Variants in TANGO2 observed in about 807,000 individuals in gnomAD.
TANGO2 encodes transport and Golgi organization protein 2 homolog.
TANGO2 carries 26 observed loss-of-function variants against 39.1 expected under a neutral mutation model. The ratio of observed to expected loss-of-function variants is 0.67; its 90% CI spans 0.49 to 0.92. The LOEUF (loss-of-function observed/expected upper bound fraction) is 0.92, where lower values mean the gene tolerates loss of function less well. Among genes scored for constraint, TANGO2 ranks in the 40% least tolerant of loss-of-function variants. TANGO2 has a pLI of 0.00. For missense variants in TANGO2, 326 were observed against 360.1 expected (o/e 0.91, Z 0.77); for synonymous variants, 131 against 144.5 (o/e 0.91, Z 0.67).
chr22:20,045,499 CTTTTTTT>C (rs695487), intron 3 of TANGO2, among the ~76,000 whole-genome samples: 2 of 112,536 alleles, frequency 1.8e-5, no homozygotes, highest in Non-Finnish European at 3.5e-5. Context: ...GCCATCACTT[CTTTTTTT>C]TTTTTTTTTT....
Position 20,066,376 on chromosome 22 carries a change from T to C in TANGO2, c.*1714T>C, listed in dbSNP as rs1000888770. The C allele has an allele frequency of 6.6e-6, 1 of 152,290 alleles. No homozygotes were observed. The highest frequency in any genetic ancestry group is 6.5e-5 in the Admixed American group (1 of 15,284). 9.4% of individuals were successfully genotyped at this position (152,290 alleles called of 1,614,324 possible). ...GTCCCGGATATCCAATGCTGAGACC[T>C]AGACTTTTCTAAGCCTCTGCACCCA... On this transcript the variant is annotated 3_prime_UTR_variant, in exon 9 of 9. Transcript: ENST00000327374.
intron 1 of TANGO2, among the ~76,000 whole-genome samples, chr22:20,025,179 C>T (rs2040491489): frequency 6.7e-6 from 1 of 150,054 alleles, no homozygotes; most frequent in Non-Finnish European, 1.5e-5. Context: ...GCAACCTCTG[C>T]CTCTCAGGTT....
intron 1 of TANGO2, among the ~76,000 whole-genome samples, chr22:20,033,756 C>T (rs1275195056): frequency 6.6e-6 from 1 of 152,248 alleles, no homozygotes; most frequent in Non-Finnish European, 1.5e-5. Context: ...CCATCAGTGG[C>T]ACCTTGGGTG....
At chr22:20,020,594 T>C (rs1024534545), upstream of TANGO2, among the ~76,000 whole-genome samples, 1 of 151,852 alleles carries the variant, frequency 6.6e-6, no homozygotes, top group African/African-American at 2.4e-5. Context: ...ATACTGGGAA[T>C]GGCAGGGACA....
chr22:20,043,775 G>A (rs1013523500), intron 3 of TANGO2, among the ~76,000 whole-genome samples: 1 of 152,190 alleles, frequency 6.6e-6, no homozygotes, highest in Admixed American at 6.5e-5. Flanking sequence ...CAGTCACTTT[G>A]TGAAGCAACC....
rs529585677 is a variant in TANGO2 at position 20,042,534 on chromosome 22, C to T, written c.57-821C>T. 2.0e-5 allele frequency among the ~76,000 whole-genome samples: 3 copies of T among 152,218 alleles called. No homozygotes were observed. The South Asian group carries it at 6.2e-4, about 32-fold the overall frequency. On this transcript the variant is annotated intron_variant, in intron 2 of 8. Transcript: ENST00000327374. ...TAATCCTCCGCCTCGGAGGCCGAGGCGGGTAGATCATTTGAGGTCAGGAGT... is the reference window on the plus strand; with the variant it reads ...TAATCCTCCGCCTCGGAGGCCGAGGTGGGTAGATCATTTGAGGTCAGGAGT...
At chr22:20,045,890 T>C (rs2045081194) in intron 3 of TANGO2, among the ~76,000 whole-genome samples, 1 of 151,970 alleles carries the variant, frequency 6.6e-6, no homozygotes, top group Non-Finnish European at 1.5e-5. Flanking sequence ...CACTTGCCCT[T>C]GTCCCACACC....
chr22:20,037,868 T>C (rs1212843154), intron 2 of TANGO2, among the ~76,000 whole-genome samples: 3 of 152,040 alleles, frequency 2.0e-5, no homozygotes, highest in East Asian at 1.9e-4. Flanking sequence ...GAGGCCAAGG[T>C]GGGCGGATCA....
chr22:20,022,349 A>G (rs1455191453), intron 1 of TANGO2, among the ~76,000 whole-genome samples: 1 of 152,088 alleles, frequency 6.6e-6, no homozygotes, highest in African/African-American at 2.4e-5. Flanking sequence ...GAGGGTGACC[A>G]TGTTGTTAGA....
intron 1 of TANGO2, among the ~76,000 whole-genome samples, chr22:20,023,046 A>G (rs2040017339): frequency 6.6e-6 from 1 of 152,204 alleles, no homozygotes; most frequent in South Asian, 2.1e-4. Context: ...TCACCCCAGA[A>G]AGACTGAGCT....
chr22:20,064,667 A>C lies in TANGO2; in HGVS notation c.*5A>C, dbSNP rs755799964. On this transcript the variant is annotated 3_prime_UTR_variant, in exon 9 of 9. Transcript: ENST00000327374. ...GAGTTCACACTGCAGAGCTAACCCC[A>C]CCTCTGGGCCTGGCCAGTGGGCTCC... The C allele has an allele frequency of 1.9e-6, 3 of 1,613,094 alleles. No homozygotes were observed. The highest frequency in any genetic ancestry group is 2.5e-6 in the Non-Finnish European group (3 of 1,179,682).
At position 20,066,716 on chromosome 22, in the gene TANGO2, C is replaced by T. The variant is rs1450882729; in HGVS notation, c.*2054C>T. 2.6e-5 allele frequency among the ~76,000 whole-genome samples: 4 copies of T among 152,182 alleles called. No homozygotes were observed. Among genetic ancestry groups the T allele is most frequent in the Non-Finnish European group, 5.9e-5 (4 of 68,018 alleles). On this transcript the variant is annotated 3_prime_UTR_variant, in exon 9 of 9. Transcript: ENST00000327374. ...CCGGCTGGGGGCACTGCCCTTGCTG[C>T]CAACACATTCACCTGCCCCAGTGGC...
chr22:20,058,356 C>G (rs1258504298), intron 6 of TANGO2: 1 of 152,190 alleles, frequency 6.6e-6, no homozygotes, highest in Non-Finnish European at 1.5e-5. Flanking sequence ...TAAAAACTCA[C>G]CAGTGGCGAG....
intron 1 of TANGO2, among the ~76,000 whole-genome samples, chr22:20,032,316 G>A (rs920952525): frequency 6.6e-6 from 1 of 152,284 alleles, no homozygotes; most frequent in Non-Finnish European, 1.5e-5. Context: ...CTGCAAGCCT[G>A]GTGGTTGTGT....
At chr22:20,034,274 G>A (rs1190668508) in intron 1 of TANGO2, among the ~76,000 whole-genome samples, 2 of 152,242 alleles carry the variant, frequency 1.3e-5, no homozygotes, top group African/African-American at 4.8e-5. Context: ...CCTTTGCCCT[G>A]CAGATGTTTC....
chr22:20,061,864 C>T, intron 7 of TANGO2, 181 bp downstream of exon 7: 1 of 775,892 alleles, frequency 1.3e-6, no homozygotes, highest in South Asian at 2.2e-5. Context: ...AGGTTTCCAA[C>T]ACCAGGGACT....
chr22:20,028,833 G>A (rs2041289528), intron 1 of TANGO2, among the ~76,000 whole-genome samples: 1 of 152,204 alleles, frequency 6.6e-6, no homozygotes, highest in South Asian at 2.1e-4. Flanking sequence ...TGTCAGCATG[G>A]CCCTCGTCCC....
chr22:20,052,626 TG>T lies in TANGO2; in HGVS notation c.265+46del, dbSNP rs2046579841. On this transcript the variant is annotated intron_variant, in intron 4 of 8. Transcript: ENST00000327374. ...GGGGCCAAGGTGAGACAGGGTGGGG[TG>T]GGGCAGGCCTAGGTGAGACAAGGTG... 1.4e-5 allele frequency: 17 copies of T among 1,211,372 alleles called. 1 individual carries two copies. Among genetic ancestry groups the T allele is most frequent in the Non-Finnish European group, 1.8e-5 (16 of 912,986 alleles). The allele number at this position is 1,211,372 out of a possible 1,614,324, so 75.0% of individuals were successfully genotyped here. A position where few individuals can be genotyped will look rare whatever the true frequency, so the allele number is the denominator to read the frequency against.
intron 6 of TANGO2, among the ~76,000 whole-genome samples, chr22:20,060,334 G>A (rs1439793362): frequency 1.7e-5 from 2 of 120,582 alleles, no homozygotes; most frequent in South Asian, 3.0e-4. Context: ...GGGCGACAGA[G>A]TAAGACTCCG....
Sources: gnomAD v4.1 joint callset for allele counts (sites outside exome capture counted in the v4.1 genomes callset) on GRCh38, gnomAD v4.1.1 for gene constraint, MANE v1.5 for transcripts, NCBI Gene and HGNC (gene_info 2026-07-23, HGNC 2026-07-21) for gene names.